RNF150: variants seen among roughly 807,000 people sequenced by gnomAD.
RNF150 encodes ring finger protein 150.
RNF150 carries 24 observed loss-of-function variants against 39.3 expected under a neutral mutation model. The ratio of observed to expected loss-of-function variants is 0.61; its 90% confidence interval spans 0.44 to 0.86. The LOEUF (loss-of-function observed/expected upper bound fraction) is 0.86, where lower values mean the gene tolerates loss of function less well. Among genes scored for constraint, RNF150 ranks in the 40% least tolerant of loss-of-function variants. The probability of loss-of-function intolerance (pLI) is 0.00; values close to 1 mark genes in which losing one functional copy is unlikely to be tolerated. For synonymous variants in RNF150, 255 were observed against 227.3 expected, an observed-to-expected ratio of 1.12 and a Z score of -1.10; for missense variants, 502 against 587.8, an observed-to-expected ratio of 0.85 and a Z score of 1.51.
At chr4:140,976,418 G>T (rs991618815) in intron 1 of RNF150, among the ~76,000 whole-genome samples, 1 of 151,872 alleles carries the variant, frequency 6.6e-6, no homozygotes, top group East Asian at 1.9e-4. Flanking sequence ...CTCAGTGTTT[G>T]CGAGGATGAC....
intron 1 of RNF150, among the ~76,000 whole-genome samples, chr4:141,126,465 C>G (rs907346775): frequency 6.6e-6 from 1 of 152,146 alleles, no homozygotes; most frequent in African/African-American, 2.4e-5. Context: ...TGTGCTGAAC[C>G]AAGTCTGTTT....
intron 1 of RNF150, among the ~76,000 whole-genome samples, chr4:141,150,044 C>G (rs766210331): frequency 1.3e-5 from 2 of 152,062 alleles, no homozygotes; most frequent in African/African-American, 2.4e-5. Context: ...AGGTGTAATG[C>G]ATAAATGATA....
At chr4:141,211,197 T>C (rs1037555926) in intron 1 of RNF150, among the ~76,000 whole-genome samples, 3 of 152,206 alleles carry the variant, frequency 2.0e-5, no homozygotes, top group Non-Finnish European at 4.4e-5. Flanking sequence ...TTTGATGTAA[T>C]GTTTACTTAG....
At chr4:141,093,476 A>G (rs181401404) in intron 1 of RNF150, among the ~76,000 whole-genome samples, 111 of 152,306 alleles carry the variant, frequency 7.3e-4, no homozygotes, top group Non-Finnish European at 1.4e-3. Flanking sequence ...TGTCCTATAG[A>G]AGAGTTAGCA....
intron 1 of RNF150, among the ~76,000 whole-genome samples, chr4:140,971,978 A>G (rs551884885): frequency 2.0e-5 from 3 of 152,136 alleles, no homozygotes; most frequent in Non-Finnish European, 4.4e-5. Flanking sequence ...TCTCTACACT[A>G]ATCTTTACTT....
chr4:141,118,801 C>A (rs1379409375), intron 1 of RNF150, among the ~76,000 whole-genome samples: 20 of 152,140 alleles, frequency 1.3e-4, no homozygotes, highest in Admixed American at 1.2e-3. Context: ...CACTCTGTCG[C>A]CCAGGCTGGA....
intron 1 of RNF150, among the ~76,000 whole-genome samples, chr4:141,121,948 A>G (rs1227753091): frequency 6.6e-6 from 1 of 152,112 alleles, no homozygotes; most frequent in African/African-American, 2.4e-5. Flanking sequence ...CCTCCCTGCA[A>G]CAGACCATTT....
chr4:141,176,640 C>G (rs1257708481), intron 1 of RNF150, among the ~76,000 whole-genome samples: 1 of 152,134 alleles, frequency 6.6e-6, no homozygotes. Context: ...TGTCTTTTAA[C>G]TTCATAACAG....
intron 1 of RNF150, among the ~76,000 whole-genome samples, chr4:141,198,331 C>T (rs577180474): frequency 1.3e-5 from 2 of 152,118 alleles, no homozygotes; most frequent in African/African-American, 4.8e-5. Flanking sequence ...CCAGCCTAGA[C>T]CACTCTTCTT....
intron 1 of RNF150, among the ~76,000 whole-genome samples, chr4:141,185,522 T>A (rs1727989555): frequency 1.3e-5 from 2 of 152,202 alleles, no homozygotes; most frequent in Admixed American, 1.3e-4. Context: ...ATGCTTTATT[T>A]TTTTCTCTTG....
chr4:141,082,584 T>A (rs1281724525), intron 1 of RNF150, among the ~76,000 whole-genome samples: 1 of 136,258 alleles, frequency 7.3e-6, no homozygotes, highest in Non-Finnish European at 1.5e-5. Flanking sequence ...GAAATTATTT[T>A]TTTTATTTTT....
intron 1 of RNF150, among the ~76,000 whole-genome samples, chr4:141,168,329 G>A (rs1191430843): frequency 2.0e-5 from 3 of 152,100 alleles, no homozygotes; most frequent in African/African-American, 4.8e-5. Context: ...AAATAGGAAC[G>A]CTTTTACACC....
chr4:141,041,186 G>C (rs1390389355), intron 1 of RNF150, among the ~76,000 whole-genome samples: 1 of 152,128 alleles, frequency 6.6e-6, no homozygotes, highest in African/African-American at 2.4e-5. Flanking sequence ...TAGTTAGGGA[G>C]AGAAATAAAC....
chr4:140,860,429 G>A lies in RNF150; in HGVS notation c.*7832C>T, dbSNP rs1340914206. On this transcript the variant is annotated 3_prime_UTR_variant, in exon 7 of 7. Transcript: ENST00000515673. Reference sequence around the variant, plus strand: ...TCAGGAGTGACTTTTTTGTGATTTTGGGTCAGATGCTATATAAATCAAGGA... The same window carrying A: ...TCAGGAGTGACTTTTTTGTGATTTTAGGTCAGATGCTATATAAATCAAGGA... 6.6e-6 allele frequency: 1 copy of A among 152,034 alleles called. No homozygotes were observed. The highest frequency in any genetic ancestry group is 1.5e-5 in the Non-Finnish European group (1 of 68,016). The allele number at this position is 152,034 out of a possible 1,614,324, so 9.4% of individuals were successfully genotyped here. A position where few individuals can be genotyped will look rare whatever the true frequency, so the allele number is the denominator to read the frequency against.
chr4:140,989,521 A>G (rs143470729), intron 1 of RNF150, among the ~76,000 whole-genome samples: 6 of 152,170 alleles, frequency 3.9e-5, no homozygotes, highest in Non-Finnish European at 7.4e-5. Flanking sequence ...GCAGCCTATA[A>G]GTAGGTCTTT....
chr4:140,958,907 C>T (rs998680614), intron 2 of RNF150, among the ~76,000 whole-genome samples: 1 of 152,156 alleles, frequency 6.6e-6, no homozygotes, highest in African/African-American at 2.4e-5. Flanking sequence ...TAGGGCCTTT[C>T]TTTCTTTGAC....
intron 1 of RNF150, among the ~76,000 whole-genome samples, chr4:141,103,795 C>T (rs578128631): frequency 3.3e-5 from 5 of 152,138 alleles, no homozygotes; most frequent in African/African-American, 4.8e-5. Flanking sequence ...TTAAATTGAT[C>T]GATTTCTAAG....
At chr4:140,901,042 C>T (rs527746302) in intron 6 of RNF150, among the ~76,000 whole-genome samples, 1 of 152,080 alleles carries the variant, frequency 6.6e-6, no homozygotes, top group African/African-American at 2.4e-5. Flanking sequence ...ACAGTAGGGT[C>T]ATCTTTATTT....
chr4:141,183,028 T>C (rs532119856), intron 1 of RNF150, among the ~76,000 whole-genome samples: 2 of 152,250 alleles, frequency 1.3e-5, no homozygotes, highest in South Asian at 4.1e-4. Flanking sequence ...TAGACGTGGG[T>C]CTTAATGTGT....
Sources: allele counts gnomAD v4.1 joint callset (sites outside exome capture counted in the v4.1 genomes callset), GRCh38; gene constraint gnomAD v4.1.1; transcripts MANE v1.5; gene names NCBI Gene and HGNC (gene_info 2026-07-23, HGNC 2026-07-21).